The following INPP5A variants were observed in gnomAD, a reference collection of about 807,000 sequenced individuals.
The protein encoded by INPP5A is inositol polyphosphate-5-phosphatase A.
In INPP5A, 14 loss-of-function variants were observed where a neutral mutation model predicts 65.2. That is an observed-to-expected ratio of 0.21 (90% CI 0.14 to 0.34). INPP5A has a LOEUF of 0.34. INPP5A is among the 10% of genes least tolerant of loss of function. The probability of loss-of-function intolerance (pLI) is 1.00; values close to 1 mark genes in which losing one functional copy is unlikely to be tolerated. For synonymous variants in INPP5A, 207 were observed against 208.3 expected (o/e 0.99, Z 0.05); for missense variants, 431 against 545.6 (o/e 0.79, Z 2.09).
chr10:132,710,490 G>T (rs373383625), intron 8 of INPP5A, 34 bp downstream of exon 8: 110 of 1,603,350 alleles, frequency 6.9e-5, no homozygotes, highest in Non-Finnish European at 8.2e-5. Flanking sequence ...CGTGGGCCGG[G>T]CAAGTAGGTG....
intron 1 of INPP5A, among the ~76,000 whole-genome samples, chr10:132,597,357 C>G (rs1447760665): frequency 1.3e-5 from 2 of 152,204 alleles, no homozygotes; most frequent in African/African-American, 2.4e-5. Flanking sequence ...TCCACAAGGA[C>G]TCGGGCCATC....
In INPP5A at chr10:132,627,867, A is replaced by T. The variant is rs2072209511; in HGVS notation, c.118-18001A>T. Reference sequence around the variant, plus strand: ...AACCGGGAGGGGTGAGGCCGTGGAGAGAGCCGTGTGGGGGAGGTGCCCAGG... The same window carrying T: ...AACCGGGAGGGGTGAGGCCGTGGAGTGAGCCGTGTGGGGGAGGTGCCCAGG... On this transcript the variant is annotated intron_variant, in intron 2 of 15. Transcript: ENST00000368594. The surrounding 1 kb of genome is among the most constrained non-coding windows in gnomAD (Gnocchi z 6.6). Among the ~76,000 whole-genome samples, 1 of 152,152 alleles carries T rather than the reference A, an allele frequency of 6.6e-6. No individual in the cohort carries two copies. Among genetic ancestry groups the T allele is most frequent in the East Asian group, 1.9e-4 (1 of 5,170 alleles).
At chr10:132,755,988 A>G (rs1394237366) in intron 11 of INPP5A, among the ~76,000 whole-genome samples, 1 of 152,132 alleles carries the variant, frequency 6.6e-6, no homozygotes, top group Non-Finnish European at 1.5e-5. Flanking sequence ...TGCACACACC[A>G]AACAGTGTGG....
intron 13 of INPP5A, among the ~76,000 whole-genome samples, chr10:132,778,297 T>A (rs373201324): frequency 7.2e-6 from 1 of 138,560 alleles, no homozygotes; most frequent in Non-Finnish European, 1.6e-5. Flanking sequence ...TTTTTTTTAA[T>A]AATAATTTTT....
chr10:132,630,777 C>T (rs549351141), intron 2 of INPP5A, among the ~76,000 whole-genome samples: 52 of 128,452 alleles, frequency 4.0e-4, no homozygotes, highest in African/African-American at 1.3e-3. Flanking sequence ...CTGCCCTGTG[C>T]GGTGGTGGGG....
Position 132,690,429 on chromosome 10 carries a change from A to G in INPP5A, c.344A>G (p.Lys115Arg), listed in dbSNP as rs1040887173. The G allele has an allele frequency of 1.2e-6, 2 of 1,613,144 alleles. No homozygotes were observed. The highest frequency in any genetic ancestry group is 1.7e-5 in the Admixed American group (1 of 60,024). Residue 115 changes from lysine (K) to arginine (R), a missense_variant, in exon 5 of 16, where the codon AAA (lysine) becomes AGA (arginine). Coordinates refer to ENST00000368594, the MANE Select transcript of INPP5A (RefSeq NM_005539.5). The part of the protein sequence containing the change: ...GSFYFLHESL[K>R]NIYQFDFKAK... ...TTTTATTTTCTTCATGAGTCCTTAA[A>G]AAACATCTACCAGTTTGACTTTAAA...
intron 4 of INPP5A, among the ~76,000 whole-genome samples, chr10:132,671,320 T>TGCCCTCCCTGCTTCGGACTCC (rs1158201547): frequency 0.016 from 1,697 of 108,748 alleles, 393 homozygotes; most frequent in Non-Finnish European, 0.021. Context: ...GCGAGGCTTG[T>TGCCCTCCCTGCTTCGGACTCC]GCCCTCCCTG....
At chr10:132,544,994 G>C (rs2070951211) in intron 1 of INPP5A, among the ~76,000 whole-genome samples, 1 of 152,214 alleles carries the variant, frequency 6.6e-6, no homozygotes. Context: ...TAAGCACCCA[G>C]ATCGACCTGT....
At chr10:132,578,959 G>A (rs1055955043) in intron 1 of INPP5A, among the ~76,000 whole-genome samples, 12 of 152,332 alleles carry the variant, frequency 7.9e-5, no homozygotes, top group African/African-American at 2.2e-4. Context: ...CAGGCTCTGG[G>A]TTTAAGTGCT....
intron 9 of INPP5A, among the ~76,000 whole-genome samples, chr10:132,739,071 C>T (rs1253819594): frequency 1.3e-5 from 2 of 152,188 alleles, no homozygotes; most frequent in African/African-American, 4.8e-5. Flanking sequence ...AGGGCCCGCC[C>T]CGCAGCCCTC....
chr10:132,781,820 C>T (rs757830400), intron 14 of INPP5A, 41 bp from the exon 15 acceptor site: 18 of 1,533,714 alleles, frequency 1.2e-5, no homozygotes, highest in South Asian at 3.3e-5. Context: ...TGTGCTGTCC[C>T]GCGTGCGCCG....
chr10:132,605,650 G>A (rs898490528), intron 1 of INPP5A, among the ~76,000 whole-genome samples: 2 of 152,084 alleles, frequency 1.3e-5, no homozygotes, highest in African/African-American at 4.8e-5. Context: ...CCAGGCAGAC[G>A]CAGCAGCGCC....
chr10:132,737,657 C>A (rs11146486), intron 9 of INPP5A, among the ~76,000 whole-genome samples: 2,018 of 152,316 alleles, frequency 0.013, 41 homozygotes, highest in Non-Finnish European at 0.014. Context: ...GGGTGGAGGT[C>A]AGGGCGGTGA....
intron 2 of INPP5A, among the ~76,000 whole-genome samples, chr10:132,645,404 A>G (rs1250384158): frequency 6.6e-6 from 1 of 152,176 alleles, no homozygotes. Flanking sequence ...GTGTACACAC[A>G]CATGCTCCGG....
intron 8 of INPP5A, among the ~76,000 whole-genome samples, chr10:132,722,698 G>A (rs1845908980): frequency 6.6e-6 from 1 of 152,200 alleles, no homozygotes; most frequent in African/African-American, 2.4e-5. Context: ...CTGCTGGGAC[G>A]ATGAGGCAGC....
chr10:132,558,244 C>T (rs1370093950), intron 1 of INPP5A, among the ~76,000 whole-genome samples: 6 of 152,168 alleles, frequency 3.9e-5, no homozygotes, highest in South Asian at 2.1e-4. Flanking sequence ...CGCAGAGCCG[C>T]GACTTCCCCA....
At chr10:132,759,819 G>A (rs1246605095) in intron 11 of INPP5A, among the ~76,000 whole-genome samples, 2 of 152,146 alleles carry the variant, frequency 1.3e-5, no homozygotes, top group African/African-American at 4.8e-5. Flanking sequence ...CGTCCTCAGA[G>A]CCCCCCGGCC....
Position 132,685,913 on chromosome 10 carries a change from A to G in INPP5A, c.307-4479A>G, listed in dbSNP as rs113483558. On this transcript the variant is annotated intron_variant, in intron 4 of 15. Coordinates refer to ENST00000368594, the MANE Select transcript of INPP5A (RefSeq NM_005539.5). Reference sequence around the variant, plus strand: ...CCATTTATCACATTACCGGACTCCAATTGAAGTTGAGAGGTTGTTTTAATA... The same window carrying G: ...CCATTTATCACATTACCGGACTCCAGTTGAAGTTGAGAGGTTGTTTTAATA... Among the ~76,000 whole-genome samples, 814 of 152,346 alleles carry G rather than the reference A, an allele frequency of 5.3e-3. 9 individuals carry two copies. The highest frequency in any genetic ancestry group is 0.018 in the African/African-American group (754 of 41,580).
chr10:132,749,646 C>A, intron 10 of INPP5A, 34 bp downstream of exon 10: 1 of 1,605,356 alleles, frequency 6.2e-7, no homozygotes, highest in Non-Finnish European at 8.5e-7. Flanking sequence ...AGGTGACGCA[C>A]GGGGCCTGCG....
Sources: allele counts gnomAD v4.1 joint callset (sites outside exome capture counted in the v4.1 genomes callset), GRCh38; gene constraint gnomAD v4.1.1; non-coding constraint Gnocchi (gnomAD v3.1); transcripts MANE v1.5; gene names NCBI Gene and HGNC (gene_info 2026-07-23, HGNC 2026-07-21).